KLF12: variants seen among roughly 807,000 people sequenced by gnomAD.
The protein encoded by KLF12 is Krueppel-like factor 12.
Under a neutral mutation model 37.8 loss-of-function variants are expected in KLF12, and 9 were observed. The ratio of observed to expected loss-of-function variants is 0.24; its 90% CI spans 0.14 to 0.42. KLF12 has a LOEUF of 0.42. Among genes scored for constraint, KLF12 ranks in the 10% least tolerant of loss-of-function variants. KLF12 has a pLI of 1.00. For missense variants in KLF12, 411 were observed against 516.0 expected (o/e 0.80, Z 1.97); for synonymous variants, 208 against 202.1 (o/e 1.03, Z -0.25).
At chr13:73,874,192 TTGTC>T (rs1160797938) in intron 3 of KLF12, among the ~76,000 whole-genome samples, 10 of 152,236 alleles carry the variant, frequency 6.6e-5, no homozygotes, top group Admixed American at 5.9e-4. Flanking sequence ...TATTTATAGA[TTGTC>T]TGAATATTTG....
chr13:74,146,079 G>C, the KLF12 span, among the ~76,000 whole-genome samples: 13 of 152,158 alleles, frequency 8.5e-5, no homozygotes, highest in African/African-American at 3.1e-4. Context: ...GGTAGGTCCA[G>C]ATCTTAATGT....
chr13:74,127,434 C>T (rs1225727887), intron 1 of KLF12, among the ~76,000 whole-genome samples: 1 of 152,052 alleles, frequency 6.6e-6, no homozygotes, highest in East Asian at 1.9e-4. Context: ...TTGTGGGGCC[C>T]GAGAATACCA....
intron 4 of KLF12, among the ~76,000 whole-genome samples, chr13:73,825,682 T>C (rs1883796093): frequency 6.6e-6 from 1 of 151,970 alleles, no homozygotes; most frequent in Non-Finnish European, 1.5e-5. Flanking sequence ...TTGGATACTG[T>C]CTTTTGTAAT....
At chr13:74,100,223 A>C (rs1416922703) in intron 1 of KLF12, among the ~76,000 whole-genome samples, 1 of 152,240 alleles carries the variant, frequency 6.6e-6, no homozygotes. Flanking sequence ...TTCTTACTAC[A>C]GTAGCAGGTA....
chr13:73,825,008 G>A lies in KLF12; in HGVS notation c.671-11721C>T, dbSNP rs1159927335. ...CGCTTGAACCCAGGAGGCGGAGGTT[G>A]CAGTGCGCTGAGATTGCACCATTGC... On this transcript the variant is annotated intron_variant, in intron 4 of 7. Coordinates refer to ENST00000377669, the MANE Select transcript of KLF12 (RefSeq NM_007249.5). Among the ~76,000 whole-genome samples, 5 of 151,938 alleles carry A rather than the reference G, an allele frequency of 3.3e-5. No individual in the cohort carries two copies. In the South Asian group the frequency reaches 6.2e-4, roughly 19 times the overall value.
chr13:74,028,280 G>C (rs375953390), intron 1 of KLF12, among the ~76,000 whole-genome samples: 1 of 152,166 alleles, frequency 6.6e-6, no homozygotes, highest in Admixed American at 6.5e-5. Context: ...AATTTATTAC[G>C]AGGAAATAGC....
chr13:74,279,519 A>ATT, the KLF12 span, among the ~76,000 whole-genome samples: 2,372 of 146,712 alleles, frequency 0.016, 27 homozygotes, highest in African/African-American at 0.023. Context: ...AATTTTGTTC[A>ATT]TTTTTTTTTT....
At chr13:74,247,860 T>C in the KLF12 span, among the ~76,000 whole-genome samples, 1 of 152,114 alleles carries the variant, frequency 6.6e-6, no homozygotes, top group African/African-American at 2.4e-5. Context: ...TAAAGGAAGA[T>C]ATTTTGAATA....
chr13:74,120,467 G>C (rs143484895), intron 1 of KLF12, among the ~76,000 whole-genome samples: 127 of 152,034 alleles, frequency 8.4e-4, no homozygotes, highest in African/African-American at 2.9e-3. Context: ...GTGGCAGAGC[G>C]AGACTGTCTC....
intron 3 of KLF12, among the ~76,000 whole-genome samples, chr13:73,942,093 C>T (rs974903245): frequency 2.0e-4 from 31 of 151,950 alleles, no homozygotes; most frequent in Admixed American, 8.5e-4. Flanking sequence ...TTTTTGTGCA[C>T]CTAAATATTT....
intron 1 of KLF12, among the ~76,000 whole-genome samples, chr13:74,110,459 G>A (rs571842299): frequency 1.3e-5 from 2 of 152,304 alleles, no homozygotes; most frequent in South Asian, 2.1e-4. Flanking sequence ...CTAGAATTGA[G>A]AGTAGGAACA....
the KLF12 span, among the ~76,000 whole-genome samples, chr13:74,235,369 A>G: frequency 3.1e-3 from 470 of 152,352 alleles, 3 homozygotes; most frequent in African/African-American, 0.011. Flanking sequence ...CAAGTATTCA[A>G]TCAGTGCTAT....
the KLF12 span, among the ~76,000 whole-genome samples, chr13:74,260,851 TA>T: frequency 6.6e-6 from 1 of 151,788 alleles, no homozygotes; most frequent in Non-Finnish European, 1.5e-5. Context: ...GGTTAAAGAA[TA>T]AAAAGAAGCA....
chr13:74,304,557 T>G, the KLF12 span, among the ~76,000 whole-genome samples: 2 of 152,122 alleles, frequency 1.3e-5, no homozygotes, highest in Non-Finnish European at 2.9e-5. Context: ...AACTTAAAAT[T>G]TAAAAAATAT....
intron 5 of KLF12, among the ~76,000 whole-genome samples, chr13:73,778,144 T>A (rs11838576): frequency 0.44 from 46,474 of 104,594 alleles, 8,083 homozygotes; most frequent in Non-Finnish European, 0.52. Flanking sequence ...AAAAAAAAAA[T>A]AAAAAAAGAA....
At chr13:73,769,878 A>G (rs1594070324) in intron 5 of KLF12, among the ~76,000 whole-genome samples, 1 of 151,256 alleles carries the variant, frequency 6.6e-6, no homozygotes, top group South Asian at 2.1e-4. Context: ...TGATTATTCC[A>G]CAGACCAATG....
upstream of KLF12, among the ~76,000 whole-genome samples, chr13:74,135,152 T>C (rs1008326941): frequency 6.6e-5 from 10 of 151,596 alleles, no homozygotes; most frequent in African/African-American, 2.4e-4. Context: ...GGGCGCCCCT[T>C]TTCCCTGCGC....
chr13:74,044,211 C>G (rs757154522), intron 1 of KLF12, among the ~76,000 whole-genome samples: 2 of 152,128 alleles, frequency 1.3e-5, no homozygotes, highest in Admixed American at 6.5e-5. Flanking sequence ...TGACCACAAC[C>G]GCCCCACCCT....
At chr13:74,176,253 T>C in the KLF12 span, among the ~76,000 whole-genome samples, 1 of 152,202 alleles carries the variant, frequency 6.6e-6, no homozygotes, top group Non-Finnish European at 1.5e-5. Context: ...TCCATCATTG[T>C]ATAAATACTC....
Sources: gnomAD v4.1 joint callset for allele counts (sites outside exome capture counted in the v4.1 genomes callset) on GRCh38, gnomAD v4.1.1 for gene constraint, MANE v1.5 for transcripts, NCBI Gene and HGNC (gene_info 2026-07-23, HGNC 2026-07-21) for gene names.